KIAA1217: variants seen among roughly 807,000 people sequenced by gnomAD.
The protein encoded by KIAA1217 is KIAA1217, also known as sickle tail protein homolog.
A neutral mutation model predicts 163.9 loss-of-function variants in KIAA1217; 88 were observed. The ratio of observed to expected loss-of-function variants is 0.54; its 90% CI spans 0.45 to 0.64. The LOEUF is 0.64. Among genes scored for constraint, KIAA1217 ranks in the 30% least tolerant of loss-of-function variants. The pLI, the probability that KIAA1217 is intolerant of heterozygous loss-of-function variation, is 0.00. For synonymous variants in KIAA1217, 903 were observed against 923.1 expected (o/e 0.98, Z 0.39); for missense variants, 2,372 against 2,475.0 (o/e 0.96, Z 0.88).
At chr10:23,827,881 G>A (rs1049378376) in intron 1 of KIAA1217, among the ~76,000 whole-genome samples, 9 of 152,286 alleles carry the variant, frequency 5.9e-5, no homozygotes, top group African/African-American at 2.2e-4. Flanking sequence ...CTTCCCCTGG[G>A]GGGAGGTGGC....
At chr10:23,862,610 T>C (rs1840006398) in intron 1 of KIAA1217, among the ~76,000 whole-genome samples, 1 of 152,244 alleles carries the variant, frequency 6.6e-6, no homozygotes, top group Admixed American at 6.5e-5. Context: ...TTGAAAACAG[T>C]AATAAAAATT....
intron 2 of KIAA1217, among the ~76,000 whole-genome samples, chr10:24,177,277 ATATATATATATATATATATATT>A (rs1378161728): frequency 1.5e-4 from 15 of 103,266 alleles, no homozygotes; most frequent in African/African-American, 1.0e-4. Context: ...ATATATATAT[ATATATATATATATATATATATT>A]ACAATTTCTT....
chr10:24,150,916 C>A (rs1391364368), intron 2 of KIAA1217, among the ~76,000 whole-genome samples: 2 of 152,128 alleles, frequency 1.3e-5, no homozygotes, highest in African/African-American at 4.8e-5. Context: ...ATGCTCCTGG[C>A]TGTCATTCTT....
At position 23,923,268 on chromosome 10, in the gene KIAA1217, C is replaced by T. The variant is rs568559668; in HGVS notation, c.-320-83957C>T. On this transcript the variant is annotated intron_variant, in intron 1 of 18. Transcript: ENST00000376462. ...TCCATCCAGGGTATTTAGGCTCGTT[C>T]CATATTTTTGCAATTGCAAATTGTG... Among the ~76,000 whole-genome samples the T allele has an allele frequency of 8.5e-5, 13 of 152,284 alleles. No individual in the cohort carries two copies. In the South Asian group the frequency reaches 1.7e-3, roughly 19 times the overall value.
chr10:23,900,437 G>A (rs989739706), intron 1 of KIAA1217, among the ~76,000 whole-genome samples: 14 of 152,060 alleles, frequency 9.2e-5, no homozygotes, highest in African/African-American at 2.4e-5. Flanking sequence ...GCATTTATCA[G>A]CCAAGAACCA....
chr10:23,848,812 A>T (rs1473721425), intron 1 of KIAA1217, among the ~76,000 whole-genome samples: 2 of 152,086 alleles, frequency 1.3e-5, no homozygotes, highest in African/African-American at 4.8e-5. Context: ...ATTTTTTGTG[A>T]ACAATAAATA....
chr10:24,429,596 G>A (rs1175812327), intron 3 of KIAA1217, among the ~76,000 whole-genome samples: 1 of 151,980 alleles, frequency 6.6e-6, no homozygotes, highest in African/African-American at 2.4e-5. Context: ...CTGCTCTCAT[G>A]GTTCCTAGAG....
intron 2 of KIAA1217, among the ~76,000 whole-genome samples, chr10:24,350,986 A>C (rs2048387275): frequency 6.6e-6 from 1 of 152,028 alleles, no homozygotes; most frequent in Non-Finnish European, 1.5e-5. Flanking sequence ...TCATTCCGTC[A>C]CCAAGGTTGG....
chr10:23,898,721 T>A (rs1463077181), intron 1 of KIAA1217, among the ~76,000 whole-genome samples: 6 of 152,014 alleles, frequency 3.9e-5, no homozygotes, highest in Non-Finnish European at 8.8e-5. Flanking sequence ...AACTGAAACT[T>A]AAACAAGTCC....
At chr10:23,908,211 G>A (rs1564524447) in intron 1 of KIAA1217, among the ~76,000 whole-genome samples, 4 of 152,092 alleles carry the variant, frequency 2.6e-5, no homozygotes, top group African/African-American at 7.2e-5. Context: ...AAGGGAAGGT[G>A]GTCAGGACTG....
At chr10:24,063,988 T>G (rs2131608995) in intron 2 of KIAA1217, among the ~76,000 whole-genome samples, 1 of 152,326 alleles carries the variant, frequency 6.6e-6, no homozygotes, top group Admixed American at 6.5e-5. Flanking sequence ...TGCACATTGA[T>G]TTTGTATCCT....
At chr10:24,489,200 G>A (rs763583973) in intron 6 of KIAA1217, among the ~76,000 whole-genome samples, 5 of 151,514 alleles carry the variant, frequency 3.3e-5, no homozygotes, top group East Asian at 3.9e-4. Flanking sequence ...ATGATCATTC[G>A]TGCTGTACTC....
At chr10:23,829,527 C>G (rs1838071948) in intron 1 of KIAA1217, among the ~76,000 whole-genome samples, 1 of 152,144 alleles carries the variant, frequency 6.6e-6, no homozygotes, top group African/African-American at 2.4e-5. Context: ...TATATTTGCT[C>G]CTTTTTATTA....
chr10:23,743,564 A>C (rs1273473345), intron 1 of KIAA1217, among the ~76,000 whole-genome samples: 1 of 152,182 alleles, frequency 6.6e-6, no homozygotes. Flanking sequence ...AGAATAGAGG[A>C]AATGAGGGTA....
chr10:24,337,574 T>A (rs1419005117), intron 2 of KIAA1217, among the ~76,000 whole-genome samples: 1 of 152,018 alleles, frequency 6.6e-6, no homozygotes, highest in Non-Finnish European at 1.5e-5. Context: ...TTGCTTTGTT[T>A]TTGTTTTGTG....
At chr10:24,057,683 GGATATTT>G (rs2131594050) in intron 2 of KIAA1217, among the ~76,000 whole-genome samples, 1 of 152,222 alleles carries the variant, frequency 6.6e-6, no homozygotes, top group South Asian at 2.1e-4. Context: ...TATACCTACT[GGATATTT>G]GTATGTCTCC....
intron 2 of KIAA1217, among the ~76,000 whole-genome samples, chr10:24,111,852 C>T (rs368184340): frequency 6.6e-6 from 1 of 152,198 alleles, no homozygotes; most frequent in East Asian, 1.9e-4. Context: ...ACTGCAGCCT[C>T]GACCTCCTGG....
intron 1 of KIAA1217, among the ~76,000 whole-genome samples, chr10:23,774,587 G>A (rs995547543): frequency 6.6e-6 from 1 of 152,178 alleles, no homozygotes; most frequent in Non-Finnish European, 1.5e-5. Flanking sequence ...GTAGATGTGA[G>A]CATCTCCAGG....
At chr10:23,908,698 A>C (rs1176635905) in intron 1 of KIAA1217, among the ~76,000 whole-genome samples, 2 of 152,136 alleles carry the variant, frequency 1.3e-5, no homozygotes, top group Non-Finnish European at 2.9e-5. Context: ...TGCACAATGC[A>C]GTACCACCTT....
Sources: allele counts gnomAD v4.1 joint callset (sites outside exome capture counted in the v4.1 genomes callset), GRCh38; gene constraint gnomAD v4.1.1; transcripts MANE v1.5; gene names NCBI Gene and HGNC (gene_info 2026-07-23, HGNC 2026-07-21).